AATF: variants seen among roughly 807,000 people sequenced by gnomAD.
The protein encoded by AATF is apoptosis antagonizing transcription factor, also known as protein AATF.
AATF carries 48 observed loss-of-function variants against 63.7 expected under a neutral mutation model. The ratio of observed to expected loss-of-function variants is 0.75; its 90% confidence interval spans 0.60 to 0.96. The LOEUF (loss-of-function observed/expected upper bound fraction) is 0.96, where lower values mean the gene tolerates loss of function less well. AATF is among the 40% of genes least tolerant of loss of function. The pLI is 0.00. For synonymous variants in AATF, 258 were observed against 247.7 expected, an observed-to-expected ratio of 1.04 and a Z score of -0.39; for missense variants, 639 against 685.7, an observed-to-expected ratio of 0.93 and a Z score of 0.76.
At chr17:37,045,122 G>C (rs1357535792) in intron 11 of AATF, among the ~76,000 whole-genome samples, 2 of 152,182 alleles carry the variant, frequency 1.3e-5, no homozygotes, top group South Asian at 4.1e-4. Context: ...TAGACTTGGA[G>C]TTCAAGTTGC....
At chr17:36,975,989 C>G (rs1481786754) in intron 4 of AATF, among the ~76,000 whole-genome samples, 1 of 152,130 alleles carries the variant, frequency 6.6e-6, no homozygotes, top group Non-Finnish European at 1.5e-5. Flanking sequence ...TTTATCTTGC[C>G]TTACTGGACC....
intron 10 of AATF, among the ~76,000 whole-genome samples, chr17:37,031,119 T>G (rs1196788262): frequency 6.6e-6 from 1 of 152,200 alleles, no homozygotes. Flanking sequence ...CCCTACATAT[T>G]TGTGAGTTCC....
intron 8 of AATF, among the ~76,000 whole-genome samples, chr17:37,015,723 T>G (rs1343261262): frequency 6.6e-6 from 1 of 152,164 alleles, no homozygotes; most frequent in African/African-American, 2.4e-5. Context: ...CCATTCAGTT[T>G]CTTCCAGAAA....
chr17:37,055,974 G>A (rs1363413999), intron 11 of AATF: 1 of 152,280 alleles, frequency 6.6e-6, no homozygotes, highest in African/African-American at 2.4e-5. Flanking sequence ...GAGTTTGAAA[G>A]TGGTCATTTA....
At chr17:36,954,875 G>A (rs1011794875) in intron 4 of AATF, among the ~76,000 whole-genome samples, 8 of 152,208 alleles carry the variant, frequency 5.3e-5, no homozygotes, top group African/African-American at 1.9e-4. Flanking sequence ...CTGGGGCAGA[G>A]GGAGATTTAG....
At chr17:36,989,053 A>G (rs1405380532) in intron 6 of AATF, among the ~76,000 whole-genome samples, 194 bp from the exon 7 acceptor site, 2 of 152,084 alleles carry the variant, frequency 1.3e-5, no homozygotes, top group Admixed American at 6.5e-5. Flanking sequence ...GAAAAATGAT[A>G]TGACCTGCTT....
intron 6 of AATF, 128 bp downstream of exon 6, chr17:36,988,848 A>G (rs2071190759): frequency 3.1e-6 from 3 of 956,836 alleles, no homozygotes; most frequent in Non-Finnish European, 4.6e-6. Flanking sequence ...ATTCATTTCT[A>G]TAGCAAAATC....
At chr17:36,949,298 C>A in intron 1 of AATF, 82 bp downstream of exon 1, 1 of 1,338,240 alleles carries the variant, frequency 7.5e-7, no homozygotes, top group Non-Finnish European at 1.0e-6. Flanking sequence ...GAGGGGCGTG[C>A]GCGAGGCCGC....
Position 36,950,400 on chromosome 17 carries a change from C to A in AATF, c.278C>A (p.Ser93Ter), listed in dbSNP as rs920983845. 6.2e-7 allele frequency: 1 copy of A among 1,613,592 alleles called. No individual in the cohort carries two copies. Among genetic ancestry groups the A allele is most frequent in the African/African-American group, 1.3e-5 (1 of 74,912 alleles). The change falls in exon 2 of 12, where the codon TCG (serine) becomes TAG (stop). Residue 93 changes from serine (S) to a stop codon, truncating the protein, a stop_gained. Transcript: ENST00000619387. LOFTEE classifies it high-confidence loss of function. ...EDHWEQTLPGSSDEEISDEEG... is the reference protein window; with the variant it reads ...EDHWEQTLPG Reference sequence around the variant, plus strand: ...CATTGGGAGCAGACTCTGCCAGGATCGTCTGGTGAGTAGACATTTTTGAAT... The same window carrying A: ...CATTGGGAGCAGACTCTGCCAGGATAGTCTGGTGAGTAGACATTTTTGAAT...
intron 4 of AATF, among the ~76,000 whole-genome samples, chr17:36,958,727 T>A (rs1182407520): frequency 6.6e-6 from 1 of 152,260 alleles, no homozygotes; most frequent in Non-Finnish European, 1.5e-5. Flanking sequence ...ACCTTCTGGA[T>A]TATTTTGAAG....
At chr17:37,016,572 A>G (rs1331681004) in intron 8 of AATF, among the ~76,000 whole-genome samples, 3 of 152,244 alleles carry the variant, frequency 2.0e-5, no homozygotes, top group Admixed American at 2.0e-4. Flanking sequence ...CAAATACTAT[A>G]TCATCATTGT....
intron 4 of AATF, among the ~76,000 whole-genome samples, chr17:36,956,651 C>G (rs2070903194): frequency 7.2e-6 from 1 of 138,292 alleles, no homozygotes; most frequent in African/African-American, 2.7e-5. Flanking sequence ...CCAGCCTGGG[C>G]AACAAGAGTG....
intron 4 of AATF, among the ~76,000 whole-genome samples, chr17:36,981,551 C>G (rs2071123808): frequency 6.6e-6 from 1 of 151,946 alleles, no homozygotes. Flanking sequence ...TCAAGTGATC[C>G]TCCCACCTCA....
intron 4 of AATF, among the ~76,000 whole-genome samples, chr17:36,969,818 C>T (rs1436524362): frequency 6.6e-6 from 1 of 152,164 alleles, no homozygotes; most frequent in Non-Finnish European, 1.5e-5. Context: ...CCTGGCCTTC[C>T]CTATTTGTCC....
At chr17:36,950,077 G>A (rs9893060) in intron 1 of AATF, 137 bp from the exon 2 acceptor site, 88,824 of 943,718 alleles carry the variant, frequency 0.094, 12,896 homozygotes, top group African/African-American at 0.59. Context: ...TTGGGAGAGA[G>A]TGAATTTCCT....
chr17:37,027,168 G>A (rs2071516970), intron 10 of AATF, among the ~76,000 whole-genome samples: 1 of 152,068 alleles, frequency 6.6e-6, no homozygotes, highest in Non-Finnish European at 1.5e-5. Context: ...TGGAAATACA[G>A]TAATTATAAT....
At position 37,020,946 on chromosome 17, in the gene AATF, A is replaced by C; in HGVS notation, c.1479A>C (p.Ala493=). The C allele has an allele frequency of 6.2e-7, 1 of 1,611,534 alleles. No homozygotes were observed. ...GTGAATTTTCCAGGCAGTGGCTTGC[A>C]ATCCAGAAGTTACGAAGCAAAATCC... is the stretch of plus-strand genomic sequence containing the variant. ...DQVAMGRQWL[A]IQKLRSKIHK... Residue 493 remains alanine, a synonymous_variant, in exon 10 of 12, where the codon GCA becomes GCC. Transcript: ENST00000619387.
intron 4 of AATF, among the ~76,000 whole-genome samples, chr17:36,962,255 T>A (rs149693710): frequency 6.6e-6 from 1 of 152,230 alleles, no homozygotes; most frequent in African/African-American, 2.4e-5. Context: ...GTAGGAAGAC[T>A]TTTTGTCCCT....
At chr17:37,045,113 A>G (rs1398612347) in intron 11 of AATF, among the ~76,000 whole-genome samples, 1 of 152,192 alleles carries the variant, frequency 6.6e-6, no homozygotes, top group Non-Finnish European at 1.5e-5. Flanking sequence ...TTACCTCGTT[A>G]GACTTGGAGT....
Sources: allele counts gnomAD v4.1 joint callset (sites outside exome capture counted in the v4.1 genomes callset), GRCh38; gene constraint gnomAD v4.1.1; transcripts MANE v1.5; gene names NCBI Gene and HGNC (gene_info 2026-07-23, HGNC 2026-07-21).